FOXN1: variants seen among roughly 807,000 people sequenced by gnomAD.
The protein encoded by FOXN1 is forkhead box N1, also known as forkhead box protein N1.
In FOXN1, 15 loss-of-function variants were observed where a neutral mutation model predicts 49.0. The ratio of observed to expected loss-of-function variants is 0.31; its 90% CI spans 0.20 to 0.47. The LOEUF (loss-of-function observed/expected upper bound fraction) is 0.47, where lower values mean the gene tolerates loss of function less well. FOXN1 is among the 20% of genes least tolerant of loss of function. The pLI, the probability that FOXN1 is intolerant of heterozygous loss-of-function variation, is 1.00. For synonymous variants in FOXN1, 356 were observed against 369.0 expected (o/e 0.96, Z 0.40); for missense variants, 800 against 842.8 (o/e 0.95, Z 0.63).
chr17:28,517,562 CACCTCCACAGGATCCAT>C (rs1204375209), intron 1 of FOXN1, among the ~76,000 whole-genome samples: 1 of 148,596 alleles, frequency 6.7e-6, no homozygotes, highest in Non-Finnish European at 1.5e-5. Context: ...ACAGGGTACA[CACCTCCACAGGATCCAT>C]ACCTCCACAG....
In FOXN1 at chr17:28,535,138, G is replaced by A. The variant is rs776033591; in HGVS notation, c.1567G>A (p.Gly523Arg). Residue 523 changes from glycine (G) to arginine (R), a missense_variant, in exon 8 of 9, where the codon GGA becomes AGA. This residue lies in a region of FOXN1 where 344 missense variants were observed against 366.1 expected (regional missense o/e 0.94). Transcript: ENST00000579795. Reference protein sequence around the residue: ...RTMHDTLLPDGDLGTDLDAIN... With the variant: ...RTMHDTLLPDRDLGTDLDAIN... ...TATGCACGACACCCTGCTGCCAGATGGAGACCTTGGCACTGACCTGGATGC... is the reference window on the plus strand; with the variant it reads ...TATGCACGACACCCTGCTGCCAGATAGAGACCTTGGCACTGACCTGGATGC... The A allele has an allele frequency of 6.2e-7, 1 of 1,611,082 alleles. No homozygotes were observed. The highest frequency in any genetic ancestry group is 1.3e-5 in the African/African-American group (1 of 74,906).
chr17:28,510,937 G>A (rs2069383192), intron 1 of FOXN1, among the ~76,000 whole-genome samples: 1 of 152,234 alleles, frequency 6.6e-6, no homozygotes, highest in Admixed American at 6.5e-5. Context: ...TGGAGCCAAG[G>A]AGCTGGATGG....
In FOXN1 at chr17:28,524,815, G is replaced by A; in HGVS notation, c.436G>A (p.Gly146Arg). 3 of 1,613,826 alleles carry A rather than the reference G, an allele frequency of 1.9e-6. No individual in the cohort carries two copies. The highest frequency in any genetic ancestry group is 2.5e-6 in the Non-Finnish European group (3 of 1,180,026). The change falls in exon 3 of 9, where the codon GGA becomes AGA. Residue 146 changes from glycine (G) to arginine (R), a missense_variant. Physicochemically the swap from Gly to Arg is moderately radical, Grantham distance 125. Transcript: ENST00000579795. Reference sequence around the variant, plus strand: ...GGCCGAGACCACCCTGGCCCTCAAAGGACACTCCTTTAAGACCCCAGGGCC... The same window carrying A: ...GGCCGAGACCACCCTGGCCCTCAAAAGACACTCCTTTAAGACCCCAGGGCC... ...PEAETTLALK[G>R]HSFKTPGPLE... is the part of the protein sequence containing the mutation.
intron 1 of FOXN1, among the ~76,000 whole-genome samples, chr17:28,521,899 G>A (rs890082357): frequency 2.0e-5 from 3 of 152,266 alleles, no homozygotes; most frequent in Non-Finnish European, 4.4e-5. Context: ...CAGAGCTCCG[G>A]AAAGAGCATG....
chr17:28,533,772 G>T (rs1453465700), intron 6 of FOXN1, among the ~76,000 whole-genome samples: 1 of 152,122 alleles, frequency 6.6e-6, no homozygotes, highest in African/African-American at 2.4e-5. Context: ...AAACATATGT[G>T]CAATGCACAC....
chr17:28,533,414 C>G (rs1247676837), intron 6 of FOXN1, among the ~76,000 whole-genome samples: 1 of 152,010 alleles, frequency 6.6e-6, no homozygotes, highest in African/African-American at 2.4e-5. Context: ...TTACAACCCT[C>G]CCTGGGCACA....
At chr17:28,524,183 C>G in intron 2 of FOXN1, 91 bp downstream of exon 2, 4 of 1,316,702 alleles carry the variant, frequency 3.0e-6, no homozygotes, top group Non-Finnish European at 4.2e-6. Context: ...CCCCCAGGGA[C>G]CTCCCAGGGC....
chr17:28,532,193 C>T (rs2069931989), intron 6 of FOXN1, among the ~76,000 whole-genome samples: 2 of 152,246 alleles, frequency 1.3e-5, no homozygotes, highest in South Asian at 4.1e-4. Flanking sequence ...ATCTCATCTT[C>T]CTGGCTTAAT....
chr17:28,538,340 C>T lies in FOXN1; in HGVS notation c.*904C>T, dbSNP rs1476382859. ...TCACATAGTTTAGGTCCTGGCTTAACTCTACTTATGATGGTTCAACTTACA... is the reference window on the plus strand; with the variant it reads ...TCACATAGTTTAGGTCCTGGCTTAATTCTACTTATGATGGTTCAACTTACA... On this transcript the variant is annotated 3_prime_UTR_variant, in exon 9 of 9. Transcript: ENST00000579795. 5.3e-5 allele frequency: 8 copies of T among 152,230 alleles called. No homozygotes were observed. Among genetic ancestry groups the T allele is most frequent in the Admixed American group, 5.2e-4 (8 of 15,286 alleles). The allele number at this position is 152,230 out of a possible 1,614,324, so 9.4% of individuals were successfully genotyped here. A position where few individuals can be genotyped will look rare whatever the true frequency, so the allele number is the denominator to read the frequency against.
chr17:28,509,580 C>A lies in FOXN1; in HGVS notation c.-15+3137C>A, dbSNP rs534719189. The stretch of plus-strand genomic sequence containing the variant: ...CCCAGAGCCATGCCAATAGACAAAA[C>A]GAGCAGGACAAGATCATCCCTGGAG... On this transcript the variant is annotated intron_variant, in intron 1 of 8. Coordinates refer to ENST00000579795, the MANE Select transcript of FOXN1 (RefSeq NM_001369369.1). 5.3e-5 allele frequency among the ~76,000 whole-genome samples: 8 copies of A among 152,340 alleles called. No individual in the cohort carries two copies. In the East Asian group the frequency reaches 1.5e-3, roughly 29 times the overall value.
chr17:28,524,751 C>A lies in FOXN1; in HGVS notation c.372C>A (p.His124Gln). 1.2e-6 allele frequency: 2 copies of A among 1,613,278 alleles called. No individual in the cohort carries two copies. Among genetic ancestry groups the A allele is most frequent in the Non-Finnish European group, 1.7e-6 (2 of 1,179,752 alleles). Reference protein sequence around the residue: ...RFLKGSHAPFHPYKRPFHEDV... With the variant: ...RFLKGSHAPFQPYKRPFHEDV... ...TCAAGGGCAGCCACGCGCCCTTCCA[C>A]CCGTACAAGCGGCCTTTCCATGAGG... is the stretch of plus-strand genomic sequence containing the variant. The change falls in exon 3 of 9, where the codon CAC (histidine) becomes CAA (glutamine). Residue 124 changes from histidine (H) to glutamine (Q), a missense_variant. This residue lies in a region of FOXN1 where 383 missense variants were observed against 357.9 expected (regional missense o/e 1.07). Transcript: ENST00000579795.
chr17:28,520,926 G>T (rs964602482), intron 1 of FOXN1, among the ~76,000 whole-genome samples: 6 of 152,196 alleles, frequency 3.9e-5, no homozygotes, highest in Non-Finnish European at 8.8e-5. Context: ...ACCTGGGGCT[G>T]GGTCTTCAGC....
chr17:28,519,612 A>C (rs984130458), intron 1 of FOXN1, among the ~76,000 whole-genome samples: 22 of 152,168 alleles, frequency 1.4e-4, no homozygotes, highest in African/African-American at 5.1e-4. Context: ...CTGAAACTGG[A>C]ACAGGCAGGA....
chr17:28,511,733 C>T (rs880375), intron 1 of FOXN1, among the ~76,000 whole-genome samples: 37,182 of 151,946 alleles, frequency 0.24, 5,651 homozygotes, highest in African/African-American at 0.41. Flanking sequence ...TAGCCCACAC[C>T]GAGAGCAGAG....
chr17:28,537,284 G>A lies in FOXN1; in HGVS notation c.1795G>A (p.Ala599Thr). Residue 599 changes from alanine (A) to threonine (T), a missense_variant, in exon 9 of 9, where the codon GCC (alanine) becomes ACC (threonine). Transcript: ENST00000579795. Reference protein sequence around the residue: ...ETGSGAGDLAAPGSGGSGALG... With the variant: ...ETGSGAGDLATPGSGGSGALG... The stretch of plus-strand genomic sequence containing the variant: ...AGGCAGTGGGGCAGGTGACTTGGCA[G>A]CCCCGGGCAGTGGTGGCTCCGGGGC... 1.2e-6 allele frequency: 2 copies of A among 1,613,644 alleles called. No homozygotes were observed. The highest frequency in any genetic ancestry group is 1.7e-6 in the Non-Finnish European group (2 of 1,179,872).
chr17:28,515,798 A>G (rs1176508092), intron 1 of FOXN1, among the ~76,000 whole-genome samples: 2 of 150,554 alleles, frequency 1.3e-5, no homozygotes, highest in Non-Finnish European at 3.0e-5. Context: ...AAAGGTGAAC[A>G]CCATTCCCCA....
chr17:28,534,319 C>G lies in FOXN1; in HGVS notation c.928-12C>G, dbSNP rs762704803. 7 of 1,614,144 alleles carry G rather than the reference C, an allele frequency of 4.3e-6. No homozygotes were observed. Among genetic ancestry groups the G allele is most frequent in the Non-Finnish European group, 5.9e-6 (7 of 1,180,012 alleles). ...GCCTGGCCTGAATGCTTGTCTTGCTCTGTTCCGGCAGACAGCACCCGATGG... is the reference window on the plus strand; with the variant it reads ...GCCTGGCCTGAATGCTTGTCTTGCTGTGTTCCGGCAGACAGCACCCGATGG... On this transcript the variant is annotated splice_polypyrimidine_tract_variant and intron_variant, in intron 6 of 8. Transcript: ENST00000579795. The surrounding 1 kb of genome is among the most constrained non-coding windows in gnomAD (Gnocchi z 4.1).
In FOXN1 at chr17:28,534,602, G is replaced by T; in HGVS notation, c.1135+64G>T. The T allele has an allele frequency of 7.3e-7, 1 of 1,377,298 alleles. No individual in the cohort carries two copies. Among genetic ancestry groups the T allele is most frequent in the South Asian group, 1.3e-5 (1 of 79,200 alleles). The allele number at this position is 1,377,298 out of a possible 1,614,324, so 85.3% of individuals were successfully genotyped here. ...ACTCATGAGCCAAAAAAAAAAAAAAGAGAGAATCAGAGAATGAGGCAAGGC... is the reference window on the plus strand; with the variant it reads ...ACTCATGAGCCAAAAAAAAAAAAAATAGAGAATCAGAGAATGAGGCAAGGC... On this transcript the variant is annotated intron_variant, in intron 7 of 8. Coordinates refer to ENST00000579795, the MANE Select transcript of FOXN1 (RefSeq NM_001369369.1). The surrounding 1 kb of genome is among the most constrained non-coding windows in gnomAD (Gnocchi z 4.1).
rs1414873781 is a variant in FOXN1 at position 28,524,599 on chromosome 17, G to C, written c.220G>C (p.Gly74Arg). The C allele has an allele frequency of 1.9e-6, 3 of 1,613,588 alleles. No homozygotes were observed. Among genetic ancestry groups the C allele is most frequent in the Non-Finnish European group, 1.7e-6 (2 of 1,179,984 alleles). The change falls in exon 3 of 9, where the codon GGG becomes CGG. Residue 74 changes from glycine (G) to arginine (R), a missense_variant. By Grantham distance (125) the Gly-to-Arg change is moderately radical. Transcript: ENST00000579795. ...ACACAGCCCCCGCATTGCGTCACCAGGGCCCGAGCAAGTCCAGGGCCACTG... is the reference window on the plus strand; with the variant it reads ...ACACAGCCCCCGCATTGCGTCACCACGGCCCGAGCAAGTCCAGGGCCACTG... ...PPHSPRIASPGPEQVQGHCPA... is the reference protein window; with the variant it reads ...PPHSPRIASPRPEQVQGHCPA...
Sources: gnomAD v4.1 joint callset for allele counts (sites outside exome capture counted in the v4.1 genomes callset) on GRCh38, gnomAD v4.1.1 for gene constraint, gnomAD v4.1.1 regional missense constraint, Gnocchi (gnomAD v3.1) non-coding constraint, MANE v1.5 for transcripts, NCBI Gene and HGNC (gene_info 2026-07-23, HGNC 2026-07-21) for gene names.